Variants in CDK14 observed in about 807,000 individuals in gnomAD.
The protein encoded by CDK14 is cyclin-dependent kinase 14.
Under a neutral mutation model 60.7 loss-of-function variants are expected in CDK14, and 34 were observed. The observed-to-expected ratio is 0.56, with a 90% CI of 0.43 to 0.75. The LOEUF is 0.75. Ranked by LOEUF, CDK14 falls within the 30% of genes least tolerant of loss-of-function variation. The probability of loss-of-function intolerance (pLI) is 0.00; values close to 1 mark genes in which losing one functional copy is unlikely to be tolerated. For missense variants in CDK14, 482 were observed against 564.1 expected, an observed-to-expected ratio of 0.85 and a Z score of 1.47; for synonymous variants, 197 against 203.7, an observed-to-expected ratio of 0.97 and a Z score of 0.28.
intron 6 of CDK14, among the ~76,000 whole-genome samples, chr7:90,880,332 C>G (rs1380792343): frequency 6.6e-6 from 1 of 152,204 alleles, no homozygotes; most frequent in African/African-American, 2.4e-5. Context: ...GGCCATAGTG[C>G]TTCTTCAGGC....
chr7:90,989,001 A>AAT (rs1795456846), intron 10 of CDK14, among the ~76,000 whole-genome samples: 1 of 149,750 alleles, frequency 6.7e-6, no homozygotes, highest in Non-Finnish European at 1.5e-5. Flanking sequence ...TTTGTGTGTG[A>AAT]GTGTGTGTGT....
intron 2 of CDK14, among the ~76,000 whole-genome samples, chr7:90,639,242 T>C (rs1187824675): frequency 6.6e-6 from 1 of 152,078 alleles, no homozygotes; most frequent in Non-Finnish European, 1.5e-5. Flanking sequence ...CTCTGTTTTT[T>C]CCCCATCTTT....
chr7:91,023,921 C>T (rs750459504), intron 10 of CDK14, among the ~76,000 whole-genome samples: 5 of 151,988 alleles, frequency 3.3e-5, no homozygotes, highest in Admixed American at 1.3e-4. Flanking sequence ...TATAGGTGCA[C>T]GCCAACATGT....
chr7:90,726,441 G>C, intron 2 of CDK14, 126 bp from the exon 3 acceptor site: 1 of 1,253,662 alleles, frequency 8.0e-7, no homozygotes, highest in Non-Finnish European at 1.1e-6. Context: ...GCAGCTTTTA[G>C]AATGTGGGCT....
chr7:90,948,072 A>G (rs998654425), intron 8 of CDK14, among the ~76,000 whole-genome samples: 3 of 152,218 alleles, frequency 2.0e-5, no homozygotes, highest in African/African-American at 7.2e-5. Context: ...AGTTCTGAAT[A>G]TTATGCCTTG....
At chr7:91,095,677 A>G (rs909306933) in intron 12 of CDK14, among the ~76,000 whole-genome samples, 1 of 152,172 alleles carries the variant, frequency 6.6e-6, no homozygotes, top group Non-Finnish European at 1.5e-5. Context: ...TTACGTATGG[A>G]GATTTTAAAA....
chr7:91,105,173 A>C (rs1181413010), intron 12 of CDK14, among the ~76,000 whole-genome samples: 2 of 152,224 alleles, frequency 1.3e-5, no homozygotes, highest in African/African-American at 2.4e-5. Flanking sequence ...CCAGAAGAAT[A>C]ATCAAATGCT....
At chr7:90,718,643 C>A (rs913392239) in intron 2 of CDK14, among the ~76,000 whole-genome samples, 1 of 152,112 alleles carries the variant, frequency 6.6e-6, no homozygotes. Flanking sequence ...AAGTAAAAAA[C>A]ACATTCTTGC....
At chr7:90,852,563 A>G (rs1374417989) in intron 5 of CDK14, among the ~76,000 whole-genome samples, 1 of 152,170 alleles carries the variant, frequency 6.6e-6, no homozygotes, top group Non-Finnish European at 1.5e-5. Flanking sequence ...CTTTGCCACC[A>G]TATGGTTGGA....
intron 5 of CDK14, among the ~76,000 whole-genome samples, chr7:90,805,172 G>A (rs1016174559): frequency 3.9e-5 from 6 of 151,994 alleles, no homozygotes; most frequent in African/African-American, 9.7e-5. Context: ...ATGAGAATTC[G>A]TAATGTACTT....
Position 90,793,515 on chromosome 7 carries a change from G to A in CDK14, c.544+2863G>A, listed in dbSNP as rs956563107. ...GATTGAGGAGAAGTGTTCCAGACAG[G>A]TATAGAAAAGGAGCTGAGACCAGAA... On this transcript the variant is annotated intron_variant, in intron 5 of 14. Coordinates refer to ENST00000380050, the MANE Select transcript of CDK14 (RefSeq NM_001287135.2). Among the ~76,000 whole-genome samples, 4 of 152,292 alleles carry A rather than the reference G, an allele frequency of 2.6e-5. No homozygotes were observed. The Middle Eastern group carries it at 0.01, about 389-fold the overall frequency.
intron 8 of CDK14, among the ~76,000 whole-genome samples, chr7:90,949,411 A>C (rs1162010183): frequency 6.6e-6 from 1 of 152,088 alleles, no homozygotes; most frequent in Non-Finnish European, 1.5e-5. Flanking sequence ...CATGTTGGCC[A>C]GGCTGGTCTT....
intron 4 of CDK14, among the ~76,000 whole-genome samples, chr7:90,784,165 C>G (rs1181237263): frequency 6.6e-6 from 1 of 152,052 alleles, no homozygotes; most frequent in Admixed American, 6.5e-5. Flanking sequence ...CGTAAATAAG[C>G]CAAGCACTAA....
At chr7:91,165,251 C>T (rs1298571454) in intron 14 of CDK14, among the ~76,000 whole-genome samples, 3 of 152,156 alleles carry the variant, frequency 2.0e-5, no homozygotes, top group Non-Finnish European at 4.4e-5. Context: ...TTCTTCCAAC[C>T]TCAGAGCATT....
chr7:91,208,704 C>T lies in CDK14; in HGVS notation c.*1568C>T, dbSNP rs1020201990. ...GGTGAGGGTAAAGCTTTTCTATAAT[C>T]AAGCTCAATACACCAAGGAAACTGG... On this transcript the variant is annotated 3_prime_UTR_variant, in exon 15 of 15. Coordinates refer to ENST00000380050, the MANE Select transcript of CDK14 (RefSeq NM_001287135.2). 1.3e-5 allele frequency: 2 copies of T among 152,284 alleles called. No homozygotes were observed. The highest frequency in any genetic ancestry group is 6.5e-5 in the Admixed American group (1 of 15,274). The allele number at this position is 152,284 out of a possible 1,614,324, so 9.4% of individuals were successfully genotyped here.
chr7:90,737,626 C>T (rs1421729321), intron 3 of CDK14, among the ~76,000 whole-genome samples: 1 of 151,498 alleles, frequency 6.6e-6, no homozygotes, highest in Non-Finnish European at 1.5e-5. Flanking sequence ...AGTTACCTAT[C>T]AATGATGCAT....
chr7:90,666,423 A>G (rs1800980849), intron 2 of CDK14: 1 of 152,184 alleles, frequency 6.6e-6, no homozygotes, highest in South Asian at 2.1e-4. Context: ...TATGCTGTAG[A>G]AATAAGTGGA....
intron 2 of CDK14, among the ~76,000 whole-genome samples, chr7:90,672,502 G>GTTTTTTTTTT (rs201978996): frequency 5.4e-4 from 27 of 49,998 alleles, no homozygotes; most frequent in East Asian, 1.4e-3. Flanking sequence ...TTCTTCTTCT[G>GTTTTTTTTTT]TTTTTTTTTT....
At chr7:90,815,367 G>C (rs1260985456) in intron 5 of CDK14, among the ~76,000 whole-genome samples, 1 of 152,314 alleles carries the variant, frequency 6.6e-6, no homozygotes, top group African/African-American at 2.4e-5. Context: ...ACCACTATGA[G>C]ATATCATCTC....
Sources: allele counts gnomAD v4.1 joint callset (sites outside exome capture counted in the v4.1 genomes callset), GRCh38; gene constraint gnomAD v4.1.1; transcripts MANE v1.5; gene names NCBI Gene and HGNC (gene_info 2026-07-23, HGNC 2026-07-21).